The following BOLA3 variants were observed in gnomAD, a reference collection of about 807,000 sequenced individuals.
BOLA3 encodes the protein bolA-like protein 3.
BOLA3 carries 8 observed loss-of-function variants against 14.5 expected under a neutral mutation model. The observed-to-expected ratio is 0.55, with a 90% CI of 0.32 to 0.99. The LOEUF is 0.99. BOLA3 is among the 50% of genes least tolerant of loss of function. The probability of loss-of-function intolerance (pLI) is 0.04; values close to 1 mark genes in which losing one functional copy is unlikely to be tolerated. For synonymous variants in BOLA3, 42 were observed against 45.7 expected (o/e 0.92, Z 0.33); for missense variants, 115 against 138.2 (o/e 0.83, Z 0.84).
At position 74,147,898 on chromosome 2, in the gene BOLA3, C is replaced by A; in HGVS notation, c.-24G>T. On this transcript the variant is annotated 5_prime_UTR_variant, in exon 1 of 4. Transcript: ENST00000327428. ...ATGCCCGGCCGACGTGACCCGCCGC[C>A]CGAGGTCACTGTATGCCCGAAAGAC... 6.6e-7 allele frequency: 1 copy of A among 1,512,826 alleles called. No homozygotes were observed. The highest frequency in any genetic ancestry group is 1.2e-5 in the South Asian group (1 of 81,668). The allele number at this position is 1,512,826 out of a possible 1,614,324, so 93.7% of individuals were successfully genotyped here.
At chr2:74,147,750 A>G in intron 1 of BOLA3, 71 bp downstream of exon 1, 2 of 1,488,222 alleles carry the variant, frequency 1.3e-6, no homozygotes, top group Non-Finnish European at 1.8e-6. Flanking sequence ...AAGCCCCGAC[A>G]GCCGCCGGCC....
intron 1 of BOLA3, 28 bp from the exon 2 acceptor site, chr2:74,145,331 G>T: frequency 7.5e-7 from 1 of 1,339,578 alleles, no homozygotes; most frequent in Non-Finnish European, 1.1e-6. Context: ...GGAAGGTCAG[G>T]GCAGAGGAAG....
rs531409597 is a variant in BOLA3, at chr2:74,147,830, C to G, written c.45G>C (p.Gly15=). The part of the protein sequence containing the change: ...SPAAAAPLLR[G]IRGLPLHHRM... ...CCCTGCCCACGCTCACCCCGCGGATCCCGCGGAGGAGAGGCGCTGCCGCGG... is the reference window on the plus strand; with the variant it reads ...CCCTGCCCACGCTCACCCCGCGGATGCCGCGGAGGAGAGGCGCTGCCGCGG... Residue 15 remains glycine, a synonymous_variant, in exon 1 of 4, where the codon GGG becomes GGC. Transcript: ENST00000327428. 5 of 1,527,806 alleles carry G rather than the reference C, an allele frequency of 3.3e-6. No homozygotes were observed. The African/African-American group carries it at 4.2e-5, about 13-fold the overall frequency. 94.6% of individuals were successfully genotyped at this position (1,527,806 alleles called of 1,614,324 possible). A position where few individuals can be genotyped will look rare whatever the true frequency, so the allele number is the denominator to read the frequency against.
At chr2:74,138,905 A>C (rs7572066) in intron 3 of BOLA3, among the ~76,000 whole-genome samples, 34,845 of 152,168 alleles carry the variant, frequency 0.23, 5,556 homozygotes, top group African/African-American at 0.43. Flanking sequence ...CAACTCAGTG[A>C]TCACCGTGGC....
intron 1 of BOLA3, 147 bp downstream of exon 1, chr2:74,147,674 A>C (rs1211581583): frequency 2.8e-5 from 21 of 742,796 alleles, no homozygotes; most frequent in Non-Finnish European, 4.7e-5. Context: ...TGAAAGAATG[A>C]ATGAGAGAAA....
intron 3 of BOLA3, among the ~76,000 whole-genome samples, chr2:74,139,685 T>A (rs1692401254): frequency 6.6e-6 from 1 of 152,226 alleles, no homozygotes; most frequent in African/African-American, 2.4e-5. Flanking sequence ...TCCATATATT[T>A]TAACACAAGT....
intron 3 of BOLA3, among the ~76,000 whole-genome samples, chr2:74,139,745 G>C (rs1432679807): frequency 6.6e-6 from 1 of 152,188 alleles, no homozygotes; most frequent in South Asian, 2.1e-4. Context: ...ACCCCCTCAT[G>C]TCAGCTGCCT....
At chr2:74,141,283 G>A (rs947159041) in intron 3 of BOLA3, among the ~76,000 whole-genome samples, 22 of 152,044 alleles carry the variant, frequency 1.4e-4, no homozygotes, top group African/African-American at 5.3e-4. Context: ...AAGGGCACTG[G>A]TCCACAAAGG....
rs753482641 is a variant in BOLA3 at position 74,142,408 on chromosome 2, G to A, written c.170-48C>T. 4 of 1,404,288 alleles carry A rather than the reference G, an allele frequency of 2.8e-6. No individual in the cohort carries two copies. In the South Asian group the frequency reaches 4.6e-5, roughly 16 times the overall value. The allele number at this position is 1,404,288 out of a possible 1,614,324, so 87.0% of individuals were successfully genotyped here. ...GCATTTCAATTATTAAGTCATGGCA[G>A]CCATGGTCCCATATATCCTTGAAGT... On this transcript the variant is annotated intron_variant, in intron 2 of 3. Transcript: ENST00000327428.
At chr2:74,143,904 G>A (rs1272452495) in intron 2 of BOLA3, among the ~76,000 whole-genome samples, 1 of 150,298 alleles carries the variant, frequency 6.7e-6, no homozygotes. Context: ...CACCATGTTG[G>A]CCAGGCTGGT....
intron 3 of BOLA3, among the ~76,000 whole-genome samples, chr2:74,140,149 T>C (rs1190637574): frequency 1.3e-5 from 2 of 152,022 alleles, no homozygotes; most frequent in African/African-American, 4.8e-5. Context: ...CCAGGTGTGG[T>C]GGCGGGCGCC....
chr2:74,141,339 A>G (rs1405343524), intron 3 of BOLA3, among the ~76,000 whole-genome samples: 2 of 151,410 alleles, frequency 1.3e-5, no homozygotes, highest in African/African-American at 4.8e-5. Context: ...CGTTTTCAGG[A>G]CACAAGACGG....
At chr2:74,139,255 C>A (rs1692392853) in intron 3 of BOLA3, among the ~76,000 whole-genome samples, 1 of 152,154 alleles carries the variant, frequency 6.6e-6, no homozygotes, top group Non-Finnish European at 1.5e-5. Flanking sequence ...GCAGAAAATT[C>A]TGACTCTACA....
chr2:74,137,169 G>A (rs1272249683), intron 3 of BOLA3, among the ~76,000 whole-genome samples: 1 of 152,184 alleles, frequency 6.6e-6, no homozygotes, highest in African/African-American at 2.4e-5. Context: ...CTGATATTGA[G>A]GTCATTATGT....
At chr2:74,143,650 T>A (rs1385173488) in intron 2 of BOLA3, among the ~76,000 whole-genome samples, 1 of 151,986 alleles carries the variant, frequency 6.6e-6, no homozygotes, top group African/African-American at 2.4e-5. Flanking sequence ...GCCCCAAGAC[T>A]CCTGCAGAGC....
chr2:74,137,970 T>G (rs911085522), intron 3 of BOLA3, among the ~76,000 whole-genome samples: 17 of 152,212 alleles, frequency 1.1e-4, no homozygotes, highest in African/African-American at 3.9e-4. Flanking sequence ...CCACCTTGGC[T>G]GGGTGAGGGC....
chr2:74,145,337 G>C lies in BOLA3; in HGVS notation c.55-34C>G, dbSNP rs776301149. On this transcript the variant is annotated intron_variant, in intron 1 of 3. Transcript: ENST00000327428. ...GAACAGAGAGGAAGGTCAGGGCAGA[G>C]GAAGATGCTGTTGCCCCTGAGCTGG... 7.1e-6 allele frequency: 9 copies of C among 1,276,388 alleles called. No individual in the cohort carries two copies. In the Admixed American group the frequency reaches 1.5e-4, roughly 21 times the overall value. 79.1% of individuals were successfully genotyped at this position (1,276,388 alleles called of 1,614,324 possible). A position where few individuals can be genotyped will look rare whatever the true frequency, so the allele number is the denominator to read the frequency against.
chr2:74,146,534 G>T, intron 1 of BOLA3: 1 of 152,546 alleles, frequency 6.6e-6, no homozygotes. Context: ...AGTGCCTTCT[G>T]GAGCGAGTCA....
At chr2:74,138,271 A>G (rs1244132207) in intron 3 of BOLA3, among the ~76,000 whole-genome samples, 1 of 152,236 alleles carries the variant, frequency 6.6e-6, no homozygotes, top group East Asian at 1.9e-4. Context: ...TGCTATGCCC[A>G]CAGCACTATA....
Sources: gnomAD v4.1 joint callset for allele counts (sites outside exome capture counted in the v4.1 genomes callset) on GRCh38, gnomAD v4.1.1 for gene constraint, MANE v1.5 for transcripts, NCBI Gene and HGNC (gene_info 2026-07-23, HGNC 2026-07-21) for gene names.